CDC42BPA: variants seen among roughly 807,000 people sequenced by gnomAD.
CDC42BPA encodes the protein serine/threonine-protein kinase MRCK alpha.
A neutral mutation model predicts 223.5 loss-of-function variants in CDC42BPA; 80 were observed. That is an observed-to-expected ratio of 0.36 (90% confidence interval 0.30 to 0.43). CDC42BPA has a LOEUF of 0.43. CDC42BPA is among the 20% of genes least tolerant of loss of function. CDC42BPA has a pLI of 1.00. For synonymous variants in CDC42BPA, 694 were observed against 718.6 expected, an observed-to-expected ratio of 0.97 and a Z score of 0.55; for missense variants, 1,743 against 2,099.9, an observed-to-expected ratio of 0.83 and a Z score of 3.32.
chr1:227,143,456 T>C (rs1571943471), intron 8 of CDC42BPA, among the ~76,000 whole-genome samples: 1 of 152,190 alleles, frequency 6.6e-6, no homozygotes, highest in East Asian at 1.9e-4. Context: ...TCATTTAAGC[T>C]CTCATATTAT....
At chr1:227,038,841 A>G (rs1670822769) in intron 24 of CDC42BPA, among the ~76,000 whole-genome samples, 1 of 152,202 alleles carries the variant, frequency 6.6e-6, no homozygotes, top group Non-Finnish European at 1.5e-5. Flanking sequence ...AGTCACAGCA[A>G]AAGTGGACCA....
At chr1:227,054,734 T>C (rs1027530672) in intron 21 of CDC42BPA, among the ~76,000 whole-genome samples, 1 of 152,144 alleles carries the variant, frequency 6.6e-6, no homozygotes, top group Non-Finnish European at 1.5e-5. Flanking sequence ...AAAGAGAATA[T>C]GGATATGGAC....
chr1:227,230,754 T>C (rs115516662), intron 2 of CDC42BPA, among the ~76,000 whole-genome samples: 8,077 of 151,718 alleles, frequency 0.053, 242 homozygotes, highest in Non-Finnish European at 0.072. Flanking sequence ...GGTCTATTAA[T>C]ACTTAAAGAT....
intron 3 of CDC42BPA, among the ~76,000 whole-genome samples, chr1:227,204,950 C>T (rs1023904528): frequency 6.6e-6 from 1 of 150,748 alleles, no homozygotes; most frequent in Admixed American, 6.6e-5. Context: ...AAAAAAAAAT[C>T]AACCTAATAA....
At chr1:227,166,942 TG>T (rs1665148454) in intron 5 of CDC42BPA, among the ~76,000 whole-genome samples, 1 of 152,156 alleles carries the variant, frequency 6.6e-6, no homozygotes, top group Non-Finnish European at 1.5e-5. Context: ...TAGTGTCACC[TG>T]AACAGAAAGA....
chr1:227,089,476 A>G (rs1358841321), intron 16 of CDC42BPA, among the ~76,000 whole-genome samples: 3 of 152,202 alleles, frequency 2.0e-5, no homozygotes, highest in Non-Finnish European at 4.4e-5. Context: ...GTTCAAATGG[A>G]AATAGAGATT....
intron 8 of CDC42BPA, among the ~76,000 whole-genome samples, chr1:227,143,608 T>C (rs1380188527): frequency 6.6e-6 from 1 of 152,242 alleles, no homozygotes; most frequent in Non-Finnish European, 1.5e-5. Context: ...AGGACAGTGA[T>C]GTGCCTTTAT....
chr1:227,168,497 G>GTTTTTTTTTTTTTTTTTTTTTTTTTTT (rs1292387936), intron 5 of CDC42BPA, among the ~76,000 whole-genome samples: 7 of 80,210 alleles, frequency 8.7e-5, no homozygotes, highest in East Asian at 3.3e-4. Flanking sequence ...CTTCCCTGGT[G>GTTTTTTTTTTTTTTTTTTTTTTTTTTT]TTTTTTTTTT....
intron 4 of CDC42BPA, among the ~76,000 whole-genome samples, chr1:227,197,703 A>G (rs1261453751): frequency 2.0e-5 from 3 of 152,158 alleles, no homozygotes; most frequent in Non-Finnish European, 4.4e-5. Context: ...TAAGCAATGC[A>G]CAAATCTGCA....
Position 227,112,769 on chromosome 1 carries a change from G to C in CDC42BPA, c.1792C>G (p.Arg598Gly). 6.2e-7 allele frequency: 1 copy of C among 1,613,918 alleles called. No homozygotes were observed. Among genetic ancestry groups the C allele is most frequent in the South Asian group, 1.1e-5 (1 of 91,062 alleles). Residue 598 changes from arginine (R) to glycine (G), a missense_variant, in exon 13 of 37, where the codon CGC becomes GGC. Physicochemically the swap from Arg to Gly is moderately radical, Grantham distance 125. This residue lies in a region of CDC42BPA where 464 missense variants were observed against 488.0 expected (regional missense o/e 0.95). Transcript: ENST00000366766. ...TCTTCTTCCTTATCTCGGACATGGC[G>C]AGCAAGTTTCTGTTTTTGGGTGTGC... is the stretch of plus-strand genomic sequence containing the variant. ...ELHTQKQKLA[R>G]HVRDKEEEVD...
intron 7 of CDC42BPA, among the ~76,000 whole-genome samples, chr1:227,146,109 T>A (rs1202111950): frequency 6.6e-6 from 1 of 152,146 alleles, no homozygotes; most frequent in Non-Finnish European, 1.5e-5. Flanking sequence ...TAACTAATAA[T>A]AAATATTTTT....
At chr1:227,193,535 A>G (rs1411025489) in intron 5 of CDC42BPA, 7 of 375,026 alleles carry the variant, frequency 1.9e-5, no homozygotes, top group East Asian at 1.4e-4. Flanking sequence ...TCCAATGTCT[A>G]TTATTCTAGG....
chr1:227,155,562 A>G (rs1169100342), intron 6 of CDC42BPA, among the ~76,000 whole-genome samples: 1 of 152,184 alleles, frequency 6.6e-6, no homozygotes. Flanking sequence ...CCAGATTAGG[A>G]GAATGCAAGA....
In CDC42BPA at chr1:227,301,317, A is replaced by C. The variant is rs1691579908; in HGVS notation, c.178+15688T>G. Among the ~76,000 whole-genome samples, 3 of 152,242 alleles carry C rather than the reference A, an allele frequency of 2.0e-5. No individual in the cohort carries two copies. In the South Asian group the frequency reaches 6.2e-4, roughly 32 times the overall value. ...AGAAATACCTCAAAAAGAAAAACAC[A>C]AGTTTGAAAATAAGATCAGTGAAGT... On this transcript the variant is annotated intron_variant, in intron 1 of 36. Transcript: ENST00000366766.
intron 1 of CDC42BPA, among the ~76,000 whole-genome samples, chr1:227,256,989 A>ACACACACACACACC (rs781287283): frequency 9.5e-5 from 14 of 146,606 alleles, no homozygotes; most frequent in African/African-American, 3.3e-4. Context: ...ACACACACAC[A>ACACACACACACACC]CCAGTATGTT....
rs778956981 is a variant in CDC42BPA, at chr1:227,317,612, T to A, written c.-430A>T. Reference sequence around the variant, plus strand: ...GCATCATTAATGAATAAAGTCCGATTTGCATCAGCAATTCACTTCCCGGGA... The same window carrying A: ...GCATCATTAATGAATAAAGTCCGATATGCATCAGCAATTCACTTCCCGGGA... On this transcript the variant is annotated 5_prime_UTR_variant, in exon 1 of 37. Coordinates refer to ENST00000366766, the MANE Select transcript of CDC42BPA (RefSeq NM_001394014.1). 65 of 397,964 alleles carry A rather than the reference T, an allele frequency of 1.6e-4. No homozygotes were observed. The highest frequency in any genetic ancestry group is 4.9e-4 in the Admixed American group (11 of 22,678). 24.7% of individuals were successfully genotyped at this position (397,964 alleles called of 1,614,324 possible). A position where few individuals can be genotyped will look rare whatever the true frequency, so the allele number is the denominator to read the frequency against.
chr1:227,263,106 G>A (rs546663586), intron 1 of CDC42BPA, among the ~76,000 whole-genome samples: 9 of 152,194 alleles, frequency 5.9e-5, no homozygotes, highest in South Asian at 2.1e-4. Context: ...GGTGGCACAC[G>A]CCTGTAATCC....
intron 5 of CDC42BPA, among the ~76,000 whole-genome samples, chr1:227,161,559 A>G (rs1663895167): frequency 6.6e-6 from 1 of 152,218 alleles, no homozygotes; most frequent in East Asian, 1.9e-4. Flanking sequence ...AATAAGGGTA[A>G]AATATTATAA....
At chr1:227,127,014 A>AT (rs1689792253) in intron 11 of CDC42BPA, among the ~76,000 whole-genome samples, 2 of 152,204 alleles carry the variant, frequency 1.3e-5, no homozygotes, top group Admixed American at 6.5e-5. Context: ...AGAATTAAAA[A>AT]TCCCAAAGAA....
Sources: allele counts gnomAD v4.1 joint callset (sites outside exome capture counted in the v4.1 genomes callset), GRCh38; gene constraint gnomAD v4.1.1; regional missense constraint gnomAD v4.1.1; transcripts MANE v1.5; gene names NCBI Gene and HGNC (gene_info 2026-07-23, HGNC 2026-07-21).